NKAIN2: variants seen among roughly 807,000 people sequenced by gnomAD.
NKAIN2 encodes the protein sodium/potassium transporting ATPase interacting 2, also known as sodium/potassium-transporting ATPase subunit beta-1-interacting protein 2.
Under a neutral mutation model 32.6 loss-of-function variants are expected in NKAIN2, and 14 were observed. That is an observed-to-expected ratio of 0.43 (90% CI 0.28 to 0.67). The LOEUF is 0.67. Ranked by LOEUF, NKAIN2 falls within the 30% of genes least tolerant of loss-of-function variation. The pLI is 0.17. For missense variants in NKAIN2, 198 were observed against 258.3 expected (o/e 0.77, Z 1.60); for synonymous variants, 80 against 87.2 (o/e 0.92, Z 0.46).
intron 3 of NKAIN2, among the ~76,000 whole-genome samples, chr6:124,414,433 A>C (rs1030636813): frequency 6.6e-6 from 1 of 152,086 alleles, no homozygotes; most frequent in Non-Finnish European, 1.5e-5. Context: ...TGCTATATCT[A>C]TGTTCATGAG....
intron 1 of NKAIN2, among the ~76,000 whole-genome samples, chr6:124,045,660 G>A (rs1231268523): frequency 1.3e-5 from 2 of 151,962 alleles, no homozygotes; most frequent in Non-Finnish European, 2.9e-5. Context: ...GATTAGAAAT[G>A]AAACTAAATG....
intron 3 of NKAIN2, among the ~76,000 whole-genome samples, chr6:124,487,528 A>G (rs1777698739): frequency 6.6e-6 from 1 of 152,200 alleles, no homozygotes; most frequent in Non-Finnish European, 1.5e-5. Flanking sequence ...ATTGAAGACC[A>G]TGTGGCAAGT....
rs554553086 is a variant in NKAIN2, at chr6:124,174,186, AACTT to A, written c.55-108813_55-108810del. ...GTACATACACTCCATAATAAAATGAAACTTACTTAAGAGAACTCCCACCAAACAG... is the reference window on the plus strand; with the variant it reads ...GTACATACACTCCATAATAAAATGAAACTTAAGAGAACTCCCACCAAACAG... On this transcript the variant is annotated intron_variant, in intron 1 of 6. Transcript: ENST00000368417. Among the ~76,000 whole-genome samples, 37 of 152,278 alleles carry A rather than the reference AACTT, an allele frequency of 2.4e-4. No individual in the cohort carries two copies. In the East Asian group the frequency reaches 6.0e-3, roughly 25 times the overall value.
At chr6:124,614,265 G>A (rs548687433) in intron 3 of NKAIN2, among the ~76,000 whole-genome samples, 1 of 152,146 alleles carries the variant, frequency 6.6e-6, no homozygotes, top group Admixed American at 6.5e-5. Context: ...GTGGTGGCAC[G>A]TGCCTGTAAT....
At chr6:124,759,259 A>G (rs13213832) in intron 4 of NKAIN2, among the ~76,000 whole-genome samples, 24,123 of 152,148 alleles carry the variant, frequency 0.16, 2,281 homozygotes, top group Non-Finnish European at 0.21. Flanking sequence ...GCAAAGCACA[A>G]TGTTACTAAC....
intron 4 of NKAIN2, among the ~76,000 whole-genome samples, chr6:124,765,557 C>T (rs1778474896): frequency 6.6e-6 from 1 of 152,162 alleles, no homozygotes; most frequent in Non-Finnish European, 1.5e-5. Flanking sequence ...AGCCTTTATT[C>T]CTGCCAAAGA....
At chr6:124,284,272 C>A (rs1037581026) in intron 2 of NKAIN2, among the ~76,000 whole-genome samples, 1 of 152,068 alleles carries the variant, frequency 6.6e-6, no homozygotes, top group South Asian at 2.1e-4. Flanking sequence ...TTTTATGAAT[C>A]GTAATTTGAT....
intron 4 of NKAIN2, among the ~76,000 whole-genome samples, chr6:124,703,429 G>C (rs1446381237): frequency 6.6e-6 from 1 of 151,992 alleles, no homozygotes. Flanking sequence ...ATTGTATATA[G>C]CACAAAATTC....
chr6:124,554,164 C>T (rs1401002983), intron 3 of NKAIN2, among the ~76,000 whole-genome samples: 1 of 152,146 alleles, frequency 6.6e-6, no homozygotes, highest in Non-Finnish European at 1.5e-5. Flanking sequence ...TGGTCAGTTC[C>T]AAATAACTCT....
chr6:124,734,061 GCA>G (rs61526747), intron 4 of NKAIN2, among the ~76,000 whole-genome samples: 8,397 of 145,242 alleles, frequency 0.058, 273 homozygotes, highest in East Asian at 0.092. Context: ...ATGAGGAAAT[GCA>G]CACACACACA....
intron 3 of NKAIN2, among the ~76,000 whole-genome samples, chr6:124,514,217 T>A (rs1778820699): frequency 6.6e-6 from 1 of 152,174 alleles, no homozygotes; most frequent in African/African-American, 2.4e-5. Flanking sequence ...GTAGTTATTC[T>A]CGACCTGGGC....
chr6:124,119,577 T>C (rs1785777608), intron 1 of NKAIN2, among the ~76,000 whole-genome samples: 1 of 152,164 alleles, frequency 6.6e-6, no homozygotes, highest in South Asian at 2.1e-4. Flanking sequence ...TGGGACTGTA[T>C]CTAACTCACA....
chr6:124,698,603 A>C (rs1163962999), intron 4 of NKAIN2, among the ~76,000 whole-genome samples: 1 of 152,194 alleles, frequency 6.6e-6, no homozygotes, highest in African/African-American at 2.4e-5. Context: ...ATCTTGCAGG[A>C]TAATTACTTT....
chr6:123,832,078 G>C (rs546579593), intron 1 of NKAIN2, among the ~76,000 whole-genome samples: 1 of 152,098 alleles, frequency 6.6e-6, no homozygotes, highest in Admixed American at 6.5e-5. Flanking sequence ...CATCATTATA[G>C]TATCATGCAG....
chr6:124,558,593 A>T (rs981558066), intron 3 of NKAIN2, among the ~76,000 whole-genome samples: 3 of 152,162 alleles, frequency 2.0e-5, no homozygotes, highest in African/African-American at 7.2e-5. Flanking sequence ...TCTGCTTTTC[A>T]AGATGCCCTA....
At chr6:124,721,253 A>C (rs1776003760) in intron 4 of NKAIN2, among the ~76,000 whole-genome samples, 1 of 151,662 alleles carries the variant, frequency 6.6e-6, no homozygotes, top group Admixed American at 6.6e-5. Flanking sequence ...AAATACAAAA[A>C]ATTAGCCGGG....
At chr6:124,201,662 G>A (rs912681204) in intron 1 of NKAIN2, among the ~76,000 whole-genome samples, 4 of 151,906 alleles carry the variant, frequency 2.6e-5, no homozygotes, top group African/African-American at 7.2e-5. Flanking sequence ...GGAGTGAGAA[G>A]GATAGTACGT....
intron 1 of NKAIN2, among the ~76,000 whole-genome samples, chr6:124,023,042 A>ATATATATG (rs1554241371): frequency 2.0e-5 from 3 of 151,330 alleles, no homozygotes; most frequent in African/African-American, 7.3e-5. Flanking sequence ...TTATATATAT[A>ATATATATG]TATGTATGTA....
intron 1 of NKAIN2, among the ~76,000 whole-genome samples, chr6:124,166,537 C>T (rs1053754799): frequency 6.6e-6 from 1 of 150,746 alleles, no homozygotes; most frequent in Non-Finnish European, 1.5e-5. Context: ...TCCCATTTGT[C>T]AATTTTGTCT....
Sources: allele counts gnomAD v4.1 joint callset (sites outside exome capture counted in the v4.1 genomes callset), GRCh38; gene constraint gnomAD v4.1.1; transcripts MANE v1.5; gene names NCBI Gene and HGNC (gene_info 2026-07-23, HGNC 2026-07-21).